The following DLC1 variants were observed in gnomAD, a reference collection of about 807,000 sequenced individuals.
DLC1 encodes rho GTPase-activating protein 7.
Under a neutral mutation model 140.3 loss-of-function variants are expected in DLC1, and 54 were observed. That is an observed-to-expected ratio of 0.38 (90% CI 0.31 to 0.48). The LOEUF is 0.48. Ranked by LOEUF, DLC1 falls within the 20% of genes least tolerant of loss-of-function variation. The probability of loss-of-function intolerance (pLI) is 0.96; values close to 1 mark genes in which losing one functional copy is unlikely to be tolerated. For missense variants in DLC1, 2,536 were observed against 1,907.0 expected (o/e 1.33, Z -6.14); for synonymous variants, 986 against 728.1 (o/e 1.35, Z -5.70).
intron 2 of DLC1, among the ~76,000 whole-genome samples, chr8:13,486,465 C>G (rs1267766449): frequency 6.6e-6 from 1 of 151,970 alleles, no homozygotes; most frequent in Non-Finnish European, 1.5e-5. Flanking sequence ...CCAATTCTTT[C>G]TGATTACTTT....
Position 13,476,223 on chromosome 8 carries a change from T to C in DLC1, c.1023+22826A>G, listed in dbSNP as rs529336547. On this transcript the variant is annotated intron_variant, in intron 2 of 17. Transcript: ENST00000276297. ...CTCATTGCTTTATAAAAGTTTTTAA[T>C]GGCTTTCTGTGAACATCCAATGATA... Among the ~76,000 whole-genome samples, 12 of 152,354 alleles carry C rather than the reference T, an allele frequency of 7.9e-5. No individual in the cohort carries two copies. The South Asian group carries it at 2.5e-3, about 32-fold the overall frequency.
At chr8:13,255,657 A>G (rs539978906) in intron 5 of DLC1, among the ~76,000 whole-genome samples, 8 of 152,274 alleles carry the variant, frequency 5.3e-5, no homozygotes, top group African/African-American at 1.9e-4. Context: ...TGCACCCTGC[A>G]CCAGGATTCA....
At chr8:13,535,879 G>A (rs1383882) in intron 1 of DLC1, 26,714 of 151,752 alleles carry the variant, frequency 0.18, 4,812 homozygotes, top group East Asian at 0.45. Flanking sequence ...TCAGTCTGAT[G>A]GAACCAGCCA....
At chr8:13,186,504 C>A (rs1441711786) in intron 5 of DLC1, among the ~76,000 whole-genome samples, 1 of 152,148 alleles carries the variant, frequency 6.6e-6, no homozygotes, top group African/African-American at 2.4e-5. Flanking sequence ...TCCATCAGGT[C>A]ATTTAAGGTC....
intron 5 of DLC1, among the ~76,000 whole-genome samples, chr8:13,263,870 G>C (rs1830570483): frequency 6.6e-6 from 1 of 151,422 alleles, no homozygotes; most frequent in Admixed American, 6.6e-5. Flanking sequence ...TCCATCTTTA[G>C]ATGAGTTACT....
At chr8:13,557,482 A>G (rs1367192699) in intron 1 of DLC1, among the ~76,000 whole-genome samples, 1 of 152,162 alleles carries the variant, frequency 6.6e-6, no homozygotes, top group Non-Finnish European at 1.5e-5. Flanking sequence ...CCCAAATCTC[A>G]TCTTGAATTG....
At chr8:13,109,852 T>A (rs530380954) in intron 7 of DLC1, among the ~76,000 whole-genome samples, 13 of 151,962 alleles carry the variant, frequency 8.6e-5, no homozygotes, top group African/African-American at 2.7e-4. Context: ...GCCACTGCAC[T>A]CCAGCCTGGG....
chr8:13,562,180 A>G (rs757384250), intron 1 of DLC1, among the ~76,000 whole-genome samples: 47 of 152,286 alleles, frequency 3.1e-4, no homozygotes, highest in Middle Eastern at 3.4e-3. Flanking sequence ...AAAATAAAAT[A>G]AAAACTAGTG....
In DLC1 at chr8:13,102,808, A is replaced by G; in HGVS notation, c.1548T>C (p.Ile516=). 6.2e-7 allele frequency: 1 copy of G among 1,614,050 alleles called. No homozygotes were observed. The highest frequency in any genetic ancestry group is 8.5e-7 in the Non-Finnish European group (1 of 1,179,970). ...TACTCACTCGTTTCCGATGAGGACT[A>G]ATTTCTAGCTTCATCACCGCACATT... The part of the protein sequence containing the change: ...LNKCAVMKLE[I]SPHRKRSDDS... Residue 516 remains isoleucine (I), a synonymous_variant, in exon 8 of 18, where the codon ATT becomes ATC. Coordinates refer to ENST00000276297, the MANE Select transcript of DLC1 (RefSeq NM_182643.3).
At chr8:13,245,125 G>A (rs553655022) in intron 5 of DLC1, among the ~76,000 whole-genome samples, 2 of 152,280 alleles carry the variant, frequency 1.3e-5, no homozygotes, top group South Asian at 2.1e-4. Context: ...TCCCTGGGAC[G>A]TTTGTTTTGG....
At position 13,091,410 on chromosome 8, in the gene DLC1, A is replaced by T. The variant is rs770565965; in HGVS notation, c.3763T>A (p.Leu1255Met). The T allele has an allele frequency of 1.2e-6, 2 of 1,614,034 alleles. No homozygotes were observed. Among genetic ancestry groups the T allele is most frequent in the East Asian group, 2.2e-5 (1 of 44,886 alleles). ...SPRVMQRKQS[L>M]GKPDQKDLNE... is the part of the protein sequence containing the mutation. ...AAATCTTTCTGATCTGGTTTGCCCA[A>T]ACTTTGTTTTCTTTGCATTACCCTA... Residue 1255 changes from leucine (L) to methionine (M), a missense_variant, in exon 14 of 18, where the codon TTG (leucine) becomes ATG (methionine). Transcript: ENST00000276297.
intron 1 of DLC1, among the ~76,000 whole-genome samples, chr8:13,513,183 C>G (rs1172054170): frequency 6.6e-6 from 1 of 152,136 alleles, no homozygotes; most frequent in East Asian, 1.9e-4. Context: ...ACTTTTAAAT[C>G]CCATTTCTCA....
intron 1 of DLC1, among the ~76,000 whole-genome samples, chr8:13,548,665 C>A (rs999008505): frequency 1.3e-5 from 2 of 151,932 alleles, no homozygotes; most frequent in Admixed American, 6.6e-5. Flanking sequence ...GGCAATTCTA[C>A]GGATTTAATT....
rs1023239455 is a variant in DLC1, at chr8:13,528,816, G to T, written c.-125-28620C>A. On this transcript the variant is annotated intron_variant, in intron 1 of 1. Transcript: ENST00000631382. Reference sequence around the variant, plus strand: ...ACAACTCCACATGCAAAGTCAGTTTGAGCAACAGACCCACTGAACTTGGAG... The same window carrying T: ...ACAACTCCACATGCAAAGTCAGTTTTAGCAACAGACCCACTGAACTTGGAG... 2.6e-5 allele frequency among the ~76,000 whole-genome samples: 4 copies of T among 152,182 alleles called. 1 individual carries two copies. The South Asian group carries it at 6.2e-4, about 24-fold the overall frequency.
chr8:13,300,820 C>G (rs997901743), intron 5 of DLC1, among the ~76,000 whole-genome samples: 1 of 152,164 alleles, frequency 6.6e-6, no homozygotes, highest in South Asian at 2.1e-4. Context: ...CTGACATGAT[C>G]AGGTTATATA....
chr8:13,351,641 G>A (rs1236516256), intron 4 of DLC1, among the ~76,000 whole-genome samples: 1 of 152,148 alleles, frequency 6.6e-6, no homozygotes, highest in Non-Finnish European at 1.5e-5. Context: ...TATTGTTTAT[G>A]TGACGTCTGC....
intron 2 of DLC1, among the ~76,000 whole-genome samples, chr8:13,492,849 C>T (rs1801324291): frequency 6.6e-6 from 1 of 152,100 alleles, no homozygotes; most frequent in South Asian, 2.1e-4. Flanking sequence ...TATTTGAGCC[C>T]CAAATATCTG....
At chr8:13,451,633 C>T (rs1355541359) in intron 2 of DLC1, among the ~76,000 whole-genome samples, 1 of 152,122 alleles carries the variant, frequency 6.6e-6, no homozygotes, top group East Asian at 1.9e-4. Flanking sequence ...TCTTTCTGTG[C>T]CTGGCTTATT....
At position 13,099,452 on chromosome 8, in the gene DLC1, C is replaced by A. The variant is rs201102622; in HGVS notation, c.2885G>T (p.Ser962Ile). Residue 962 changes from serine (S) to isoleucine (I), a missense_variant, in exon 9 of 18, where the codon AGC becomes ATC. Transcript: ENST00000276297. ...GGAGTTGCCTGTGCTGTCCAGGTCG[C>A]TGGGTGTGGTTCGGTCGTTGTCCAC... ...LDVDNDRTTP[S>I]DLDSTGNSLN... 9.9e-6 allele frequency: 16 copies of A among 1,614,030 alleles called. No individual in the cohort carries two copies. The highest frequency in any genetic ancestry group is 1.4e-5 in the Non-Finnish European group (16 of 1,180,036).
Sources: gnomAD v4.1 joint callset for allele counts (sites outside exome capture counted in the v4.1 genomes callset) on GRCh38, gnomAD v4.1.1 for gene constraint, MANE v1.5 for transcripts, NCBI Gene and HGNC (gene_info 2026-07-23, HGNC 2026-07-21) for gene names.